The following HEPHL1 variants were observed in gnomAD, a reference collection of about 807,000 sequenced individuals.
The protein encoded by HEPHL1 is ferroxidase HEPHL1.
HEPHL1 carries 123 observed loss-of-function variants against 122.0 expected under a neutral mutation model. The observed-to-expected ratio is 1.01, with a 90% CI of 0.87 to 1.17. HEPHL1 has a LOEUF of 1.17. Ranked by LOEUF, HEPHL1 falls within the 50% of genes most tolerant of loss-of-function variation. HEPHL1 has a pLI of 0.00. For synonymous variants in HEPHL1, 527 were observed against 508.9 expected (o/e 1.04, Z -0.48); for missense variants, 1,452 against 1,430.5 (o/e 1.01, Z -0.24).
At position 94,104,622 on chromosome 11, in the gene HEPHL1, C is replaced by G; in HGVS notation, c.2777C>G (p.Ala926Gly). ...AGAAGTGACGTTGATTATGAATTTGCTCTCTTGTTTTTGGTATTTAATGAG... is the reference window on the plus strand; with the variant it reads ...AGAAGTGACGTTGATTATGAATTTGGTCTCTTGTTTTTGGTATTTAATGAG... ...GRRSDVDYEF[A>G]LLFLVFNENE... Residue 926 changes from alanine (A) to glycine (G), a missense_variant, in exon 16 of 20, where the codon GCT (alanine) becomes GGT (glycine). Physicochemically the swap from Ala to Gly is moderately conservative, Grantham distance 60. Transcript: ENST00000315765. 6.2e-7 allele frequency: 1 copy of G among 1,613,694 alleles called. No homozygotes were observed. The highest frequency in any genetic ancestry group is 8.5e-7 in the Non-Finnish European group (1 of 1,179,700).
intron 2 of HEPHL1, among the ~76,000 whole-genome samples, chr11:94,058,893 G>GTT: frequency 6.6e-6 from 1 of 152,008 alleles, no homozygotes; most frequent in Middle Eastern, 3.4e-3. Context: ...ATATAAAAAA[G>GTT]TATAAAGAAG....
intron 1 of HEPHL1, among the ~76,000 whole-genome samples, chr11:94,032,960 C>T (rs1945689448): frequency 6.6e-6 from 1 of 152,160 alleles, no homozygotes; most frequent in African/African-American, 2.4e-5. Flanking sequence ...ACCGCACCTG[C>T]TCATCTCCCA....
intron 9 of HEPHL1, among the ~76,000 whole-genome samples, chr11:94,077,627 G>C (rs1204738256): frequency 6.6e-6 from 1 of 152,194 alleles, no homozygotes; most frequent in Non-Finnish European, 1.5e-5. Context: ...CACCAGGCAT[G>C]ATTTTTCTAA....
At chr11:94,039,141 TA>T (rs1383863789) in intron 1 of HEPHL1, among the ~76,000 whole-genome samples, 2 of 95,354 alleles carry the variant, frequency 2.1e-5, no homozygotes, top group Non-Finnish European at 4.2e-5. Flanking sequence ...TACATAATGG[TA>T]AAGGGATCAA....
intron 15 of HEPHL1, among the ~76,000 whole-genome samples, chr11:94,103,273 CAAAAAAAA>C (rs755716566): frequency 4.5e-5 from 2 of 44,292 alleles, no homozygotes; most frequent in Non-Finnish European, 4.6e-5. Context: ...TTTTTTTTCC[CAAAAAAAA>C]AAAAAAAAAA....
intron 8 of HEPHL1, among the ~76,000 whole-genome samples, chr11:94,074,683 A>G (rs1946105663): frequency 6.6e-6 from 1 of 152,164 alleles, no homozygotes; most frequent in South Asian, 2.1e-4. Flanking sequence ...CAGATTTGCT[A>G]TATATCAATG....
intron 12 of HEPHL1, among the ~76,000 whole-genome samples, chr11:94,090,554 G>C (rs1465127348): frequency 6.6e-6 from 1 of 152,180 alleles, no homozygotes; most frequent in Non-Finnish European, 1.5e-5. Flanking sequence ...ACCTTCCCCT[G>C]TCACTCTGAT....
rs752881386 is a variant in HEPHL1, at chr11:94,101,343, G to C, written c.2575+8G>C. On this transcript the variant is annotated splice_region_variant and intron_variant, in intron 14 of 19. Coordinates refer to ENST00000315765, the MANE Select transcript of HEPHL1 (RefSeq NM_001098672.2). ...TGCCCATGACAAAACCAGGTAAGTT[G>C]TGTCAGAGGTCTGCTCCATCTTGAA... The C allele has an allele frequency of 2.6e-5, 42 of 1,610,200 alleles. No individual in the cohort carries two copies. The highest frequency in any genetic ancestry group is 3.3e-4 in the Middle Eastern group (2 of 6,060).
intron 2 of HEPHL1, among the ~76,000 whole-genome samples, chr11:94,048,516 C>T (rs185772580): frequency 2.6e-5 from 4 of 152,214 alleles, no homozygotes; most frequent in Admixed American, 2.0e-4. Flanking sequence ...TCTGCCACTA[C>T]ACCTGGCTAA....
chr11:94,070,123 G>A (rs528542736), intron 5 of HEPHL1, among the ~76,000 whole-genome samples: 2 of 152,100 alleles, frequency 1.3e-5, no homozygotes, highest in South Asian at 4.1e-4. Flanking sequence ...TCTGTTCCTT[G>A]CTCATTTTCT....
At chr11:94,092,376 T>C (rs1946268770) in intron 12 of HEPHL1, among the ~76,000 whole-genome samples, 1 of 152,232 alleles carries the variant, frequency 6.6e-6, no homozygotes, top group African/African-American at 2.4e-5. Flanking sequence ...AATCAATTCC[T>C]GTGACATTTT....
At chr11:94,037,021 A>G (rs1384873898) in intron 1 of HEPHL1, among the ~76,000 whole-genome samples, 4 of 152,054 alleles carry the variant, frequency 2.6e-5, no homozygotes, top group African/African-American at 4.8e-5. Flanking sequence ...CGCACCGTGC[A>G]CGAGCCGAAG....
At chr11:94,089,030 G>A in intron 12 of HEPHL1, 62 bp downstream of exon 12, 7 of 1,442,180 alleles carry the variant, frequency 4.9e-6, no homozygotes, top group Non-Finnish European at 6.8e-6. Flanking sequence ...TAGGTCTTTA[G>A]TAAGTGTGGC....
chr11:94,027,543 C>T (rs1233764911), intron 1 of HEPHL1, among the ~76,000 whole-genome samples: 1 of 152,200 alleles, frequency 6.6e-6, no homozygotes, highest in Non-Finnish European at 1.5e-5. Context: ...GTCATTGATT[C>T]AGCACCACTC....
In HEPHL1 at chr11:94,085,998, G is replaced by T; in HGVS notation, c.1889G>T (p.Gly630Val). Residue 630 changes from glycine (G) to valine (V), a missense_variant, in exon 11 of 20, where the codon GGC becomes GTC. Physicochemically the swap from Gly to Val is moderately radical, Grantham distance 109. Coordinates refer to ENST00000315765, the MANE Select transcript of HEPHL1 (RefSeq NM_001098672.2). ...RMHAVNGYMY[G>V]NQPGLNMCKR... ...TTAGCTGTTAACGGCTACATGTATGGCAACCAGCCAGGCTTAAACATGTGT... is the reference window on the plus strand; with the variant it reads ...TTAGCTGTTAACGGCTACATGTATGTCAACCAGCCAGGCTTAAACATGTGT... The T allele has an allele frequency of 3.7e-6, 6 of 1,613,696 alleles. No individual in the cohort carries two copies. Among genetic ancestry groups the T allele is most frequent in the Non-Finnish European group, 5.1e-6 (6 of 1,179,746 alleles).
At chr11:94,025,748 G>A (rs1189648260) in intron 1 of HEPHL1, among the ~76,000 whole-genome samples, 1 of 152,108 alleles carries the variant, frequency 6.6e-6, no homozygotes, top group East Asian at 1.9e-4. Context: ...ACCAACTGAG[G>A]GGAAGCAGGG....
intron 1 of HEPHL1, 55 bp downstream of exon 1, chr11:94,021,593 GT>G (rs1168616512): frequency 1.0e-5 from 14 of 1,353,816 alleles, no homozygotes; most frequent in Non-Finnish European, 1.4e-5. Context: ...TTTTGACTTT[GT>G]GTGGGGAAGG....
intron 2 of HEPHL1, among the ~76,000 whole-genome samples, chr11:94,048,796 C>T (rs1362389969): frequency 2.0e-5 from 3 of 152,066 alleles, no homozygotes; most frequent in Non-Finnish European, 2.9e-5. Flanking sequence ...CAGGACTGTC[C>T]CATTTCAGAA....
At chr11:94,081,912 T>C (rs1946173423) in intron 9 of HEPHL1, among the ~76,000 whole-genome samples, 1 of 152,192 alleles carries the variant, frequency 6.6e-6, no homozygotes, top group Admixed American at 6.5e-5. Flanking sequence ...GGAAGACCAC[T>C]CTGAGGAAAT....
Sources: allele counts gnomAD v4.1 joint callset (sites outside exome capture counted in the v4.1 genomes callset), GRCh38; gene constraint gnomAD v4.1.1; transcripts MANE v1.5; gene names NCBI Gene and HGNC (gene_info 2026-07-23, HGNC 2026-07-21).